ESR1: variants seen among roughly 807,000 people sequenced by gnomAD.
ESR1 encodes the protein estrogen receptor.
In ESR1, 12 loss-of-function variants were observed where a neutral mutation model predicts 52.7. The observed-to-expected ratio is 0.23, with a 90% confidence interval of 0.15 to 0.37. The LOEUF (loss-of-function observed/expected upper bound fraction) is 0.37, where lower values mean the gene tolerates loss of function less well. Ranked by LOEUF, ESR1 falls within the 10% of genes least tolerant of loss-of-function variation. ESR1 has a pLI of 1.00. For missense variants in ESR1, 584 were observed against 779.7 expected, an observed-to-expected ratio of 0.75 and a Z score of 2.99; for synonymous variants, 305 against 316.8, an observed-to-expected ratio of 0.96 and a Z score of 0.39.
intron 2 of ESR1, among the ~76,000 whole-genome samples, chr6:151,751,747 A>G (rs1012759097): frequency 1.3e-5 from 2 of 152,174 alleles, no homozygotes; most frequent in Non-Finnish European, 2.9e-5. Flanking sequence ...ACATAGATAT[A>G]ACTTGGTTCA....
At chr6:152,096,874 G>A (rs984362893) in intron 7 of ESR1, among the ~76,000 whole-genome samples, 1 of 152,126 alleles carries the variant, frequency 6.6e-6, no homozygotes, top group African/African-American at 2.4e-5. Flanking sequence ...CTCTGAGCTG[G>A]GAATTTCGGT....
chr6:152,027,069 C>T (rs909306627), intron 5 of ESR1, among the ~76,000 whole-genome samples: 8 of 151,916 alleles, frequency 5.3e-5, no homozygotes, highest in African/African-American at 9.7e-5. Context: ...CGGGTTCCAG[C>T]GATTCTCCTG....
intron 5 of ESR1, among the ~76,000 whole-genome samples, chr6:152,041,176 A>G (rs147136890): frequency 2.2e-4 from 34 of 152,286 alleles, no homozygotes; most frequent in African/African-American, 7.2e-4. Flanking sequence ...CTCCCCTGTG[A>G]TTGACCTATA....
chr6:152,015,311 G>A lies in ESR1; in HGVS notation c.1235+3517G>A, dbSNP rs189306043. 4.6e-5 allele frequency among the ~76,000 whole-genome samples: 7 copies of A among 152,206 alleles called. No homozygotes were observed. The East Asian group carries it at 7.7e-4, about 17-fold the overall frequency. ...ACCTATAAGGCTCATTTCAGGTGCC[G>A]TCTTTTTATAAAATCTTCCTTCAAA... On this transcript the variant is annotated intron_variant, in intron 5 of 7. Coordinates refer to ENST00000206249, the MANE Select transcript of ESR1 (RefSeq NM_000125.4).
chr6:152,113,940 T>C (rs879877894), intron 6 of ESR1, among the ~76,000 whole-genome samples: 1 of 152,224 alleles, frequency 6.6e-6, no homozygotes, highest in Non-Finnish European at 1.5e-5. Flanking sequence ...CAAGGTATTT[T>C]TGGCTCCAGA....
intron 2 of ESR1, among the ~76,000 whole-genome samples, chr6:151,856,961 G>A (rs1401492187): frequency 6.6e-6 from 1 of 152,114 alleles, no homozygotes; most frequent in Admixed American, 6.6e-5. Flanking sequence ...AACATTTATT[G>A]CTTATAAAAT....
chr6:152,048,008 CT>C (rs2046368002), intron 5 of ESR1, among the ~76,000 whole-genome samples: 2 of 121,688 alleles, frequency 1.6e-5, no homozygotes, highest in Admixed American at 1.0e-4. Context: ...AAACGCATGT[CT>C]CTCTTCTTGG....
chr6:151,987,042 A>G (rs1280991798), intron 4 of ESR1, among the ~76,000 whole-genome samples: 1 of 151,828 alleles, frequency 6.6e-6, no homozygotes, highest in Non-Finnish European at 1.5e-5. Flanking sequence ...AAGGATTCCT[A>G]CTCTGAGACC....
At chr6:151,838,574 G>C (rs17081779) in intron 1 of ESR1, among the ~76,000 whole-genome samples, 52 of 152,174 alleles carry the variant, frequency 3.4e-4, no homozygotes, top group Non-Finnish European at 7.2e-4. Flanking sequence ...GATACTCAAC[G>C]TGAACATTAT....
At chr6:151,720,314 G>A (rs75429959) in intron 2 of ESR1, among the ~76,000 whole-genome samples, 4,555 of 152,192 alleles carry the variant, frequency 0.03, 216 homozygotes, top group African/African-American at 0.1. Flanking sequence ...AATAAGTTTA[G>A]GATCATATGC....
chr6:151,879,272 T>C (rs1792372550), intron 2 of ESR1, among the ~76,000 whole-genome samples: 1 of 152,174 alleles, frequency 6.6e-6, no homozygotes, highest in Admixed American at 6.5e-5. Context: ...AGATAGGTTA[T>C]GTAGGATGTG....
At chr6:151,839,314 A>G (rs1205816964) in intron 1 of ESR1, among the ~76,000 whole-genome samples, 1 of 152,200 alleles carries the variant, frequency 6.6e-6, no homozygotes, top group Non-Finnish European at 1.5e-5. Flanking sequence ...ACTCATTAGG[A>G]TGGCTACTAT....
chr6:151,955,189 G>A (rs2036766922), intron 4 of ESR1, among the ~76,000 whole-genome samples: 1 of 152,060 alleles, frequency 6.6e-6, no homozygotes, highest in Admixed American at 6.6e-5. Flanking sequence ...TGGGTAAATG[G>A]TTATTATTGC....
rs201978526 is a variant in ESR1 at position 151,880,637 on chromosome 6, T to C, written c.644-18T>C. On this transcript the variant is annotated intron_variant, in intron 2 of 7. Transcript: ENST00000206249. ...GTTTCCTGAAATAATATTAATTCTG[T>C]CCTCTTGCTTTTAATAGGACATAAC... is the stretch of plus-strand genomic sequence containing the variant. The C allele has an allele frequency of 1.4e-6, 2 of 1,392,210 alleles. No individual in the cohort carries two copies. The highest frequency in any genetic ancestry group is 4.6e-5 in the East Asian group (2 of 43,828). 86.2% of individuals were successfully genotyped at this position (1,392,210 alleles called of 1,614,324 possible).
At chr6:151,816,583 T>G (rs1261222961) in intron 1 of ESR1, among the ~76,000 whole-genome samples, 1 of 152,240 alleles carries the variant, frequency 6.6e-6, no homozygotes, top group African/African-American at 2.4e-5. Flanking sequence ...GTCTGGAATG[T>G]CCCTATATTT....
chr6:151,821,421 T>C lies in ESR1; in HGVS notation c.452+13057T>C, dbSNP rs375477106. 6.6e-5 allele frequency among the ~76,000 whole-genome samples: 10 copies of C among 152,370 alleles called. No individual in the cohort carries two copies. The East Asian group carries it at 1.7e-3, about 26-fold the overall frequency. On this transcript the variant is annotated intron_variant, in intron 1 of 7. Coordinates refer to ENST00000206249, the MANE Select transcript of ESR1 (RefSeq NM_000125.4). ...GTTTGTCGAGTCGGTGTTAGTTCTC[T>C]AGTGATGAATTATTTCCTATACTTC...
intron 2 of ESR1, among the ~76,000 whole-genome samples, chr6:151,755,841 G>A (rs1253560125): frequency 6.6e-6 from 1 of 152,008 alleles, no homozygotes; most frequent in South Asian, 2.1e-4. Context: ...ATGTTGGCCA[G>A]GCTGGTCTTG....
chr6:151,809,245 G>T (rs1362164747), intron 1 of ESR1: 5 of 425,210 alleles, frequency 1.2e-5, no homozygotes, highest in South Asian at 8.4e-5. Flanking sequence ...GGACACAGGA[G>T]ACCACTTTGT....
At chr6:151,953,002 T>C (rs111350984) in intron 4 of ESR1, among the ~76,000 whole-genome samples, 2 of 152,366 alleles carry the variant, frequency 1.3e-5, no homozygotes, top group African/African-American at 4.8e-5. Context: ...AGTGTTCTCC[T>C]TTTTTATTGA....
Sources: gnomAD v4.1 joint callset for allele counts (sites outside exome capture counted in the v4.1 genomes callset) on GRCh38, gnomAD v4.1.1 for gene constraint, MANE v1.5 for transcripts, NCBI Gene and HGNC (gene_info 2026-07-23, HGNC 2026-07-21) for gene names.